The following PARVA variants were observed in gnomAD, a reference collection of about 807,000 sequenced individuals.
PARVA encodes the protein parvin alpha.
A neutral mutation model predicts 52.6 loss-of-function variants in PARVA; 25 were observed. The ratio of observed to expected loss-of-function variants is 0.48; its 90% CI spans 0.35 to 0.66. The LOEUF is 0.66. Ranked by LOEUF, PARVA falls within the 30% of genes least tolerant of loss-of-function variation. The pLI, the probability that PARVA is intolerant of heterozygous loss-of-function variation, is 0.01. For synonymous variants in PARVA, 185 were observed against 179.1 expected, an observed-to-expected ratio of 1.03 and a Z score of -0.26; for missense variants, 373 against 450.9, an observed-to-expected ratio of 0.83 and a Z score of 1.56.
At chr11:12,509,277 T>G (rs1287052024) in intron 7 of PARVA, among the ~76,000 whole-genome samples, 1 of 152,084 alleles carries the variant, frequency 6.6e-6, no homozygotes, top group East Asian at 1.9e-4. Flanking sequence ...CCCAGACTTT[T>G]CTCTGAGTCC....
At chr11:12,518,130 A>C (rs545463652) in intron 11 of PARVA, among the ~76,000 whole-genome samples, 79 of 152,324 alleles carry the variant, frequency 5.2e-4, no homozygotes, top group African/African-American at 1.8e-3. Context: ...TGCCTGTTGA[A>C]CATGTCCTGC....
Position 12,382,601 on chromosome 11 carries a change from A to G in PARVA, c.136+4818A>G, listed in dbSNP as rs529673037. Among the ~76,000 whole-genome samples the G allele has an allele frequency of 3.3e-5, 5 of 152,290 alleles. No homozygotes were observed. In the East Asian group the frequency reaches 9.6e-4, roughly 29 times the overall value. On this transcript the variant is annotated intron_variant, in intron 1 of 12. Transcript: ENST00000334956. ...CTAAGGAAAACTACATCATAGAATG[A>G]CTATGAGTCTCATAAGAATGCACTC...
intron 1 of PARVA, among the ~76,000 whole-genome samples, chr11:12,382,263 G>A (rs1939501206): frequency 6.6e-6 from 1 of 151,994 alleles, no homozygotes; most frequent in Admixed American, 6.6e-5. Flanking sequence ...TGTACATTTT[G>A]ACATTTCGAT....
intron 12 of PARVA, among the ~76,000 whole-genome samples, chr11:12,524,359 G>A (rs189889929): frequency 1.2e-3 from 179 of 152,320 alleles, no homozygotes; most frequent in African/African-American, 4.2e-3. Context: ...TCAAACTTCT[G>A]TGAACATAAA....
intron 1 of PARVA, among the ~76,000 whole-genome samples, chr11:12,464,209 A>G (rs567549228): frequency 1.3e-5 from 2 of 151,998 alleles, no homozygotes; most frequent in South Asian, 2.1e-4. Context: ...TGTGTGCACT[A>G]ATTTATAGAA....
rs114208538 is a variant in PARVA at position 12,474,591 on chromosome 11, C to T, written c.297+608C>T. 7.4e-3 allele frequency among the ~76,000 whole-genome samples: 1,121 copies of T among 152,184 alleles called. 18 individuals carry two copies. Among genetic ancestry groups the T allele is most frequent in the African/African-American group, 0.025 (1,033 of 41,516 alleles). ...TCATGAGTGTCATCCCAGCACTCTGCGGAGGCCAAGGCGGGCGGATCACTT... is the reference window on the plus strand; with the variant it reads ...TCATGAGTGTCATCCCAGCACTCTGTGGAGGCCAAGGCGGGCGGATCACTT... On this transcript the variant is annotated intron_variant, in intron 3 of 12. Coordinates refer to ENST00000334956, the MANE Select transcript of PARVA (RefSeq NM_018222.5).
chr11:12,449,206 G>T (rs184947432), intron 1 of PARVA, among the ~76,000 whole-genome samples: 41 of 151,378 alleles, frequency 2.7e-4, no homozygotes, highest in Middle Eastern at 6.8e-3. Flanking sequence ...CAGGCTGGAG[G>T]GCAGTGGCGC....
chr11:12,424,946 G>A (rs553767023), intron 1 of PARVA, among the ~76,000 whole-genome samples: 4 of 152,248 alleles, frequency 2.6e-5, no homozygotes, highest in South Asian at 2.1e-4. Flanking sequence ...CCTTTTCTGT[G>A]TGTAGGATAT....
intron 4 of PARVA, among the ~76,000 whole-genome samples, chr11:12,490,679 A>G (rs1941224725): frequency 1.3e-5 from 2 of 152,196 alleles, no homozygotes; most frequent in South Asian, 4.1e-4. Context: ...GTGAACAAAG[A>G]TTATCATGGT....
At chr11:12,451,102 G>C (rs955956991) in intron 1 of PARVA, among the ~76,000 whole-genome samples, 2 of 152,208 alleles carry the variant, frequency 1.3e-5, no homozygotes, top group East Asian at 3.8e-4. Flanking sequence ...CTGTGGCTTG[G>C]TCAGTGTGCT....
At chr11:12,500,995 C>T (rs1371139664) in intron 5 of PARVA, among the ~76,000 whole-genome samples, 5 of 151,718 alleles carry the variant, frequency 3.3e-5, no homozygotes, top group Admixed American at 2.6e-4. Flanking sequence ...ATAATCCCAG[C>T]TACTTGGGAG....
chr11:12,425,212 TTGTC>T (rs1339997729), intron 1 of PARVA, among the ~76,000 whole-genome samples: 2 of 152,182 alleles, frequency 1.3e-5, no homozygotes, highest in Non-Finnish European at 1.5e-5. Context: ...TCTCTGTCAT[TTGTC>T]TGTGTTTTAA....
intron 1 of PARVA, among the ~76,000 whole-genome samples, chr11:12,405,074 A>T (rs1589944919): frequency 6.6e-6 from 1 of 152,304 alleles, no homozygotes; most frequent in African/African-American, 2.4e-5. Flanking sequence ...AAAACAGATA[A>T]TAAAAGTCTC....
At chr11:12,490,639 G>A (rs769788030) in intron 4 of PARVA, among the ~76,000 whole-genome samples, 3 of 151,988 alleles carry the variant, frequency 2.0e-5, no homozygotes, top group Non-Finnish European at 2.9e-5. Context: ...GAAGGAAAAT[G>A]AACCCCCCAA....
At chr11:12,493,419 A>C (rs370133596) in intron 4 of PARVA, among the ~76,000 whole-genome samples, 2 of 151,516 alleles carry the variant, frequency 1.3e-5, no homozygotes, top group East Asian at 3.9e-4. Flanking sequence ...ATATATTTTT[A>C]TGCAAATCCA....
chr11:12,459,426 G>A lies in PARVA; in HGVS notation c.137-14319G>A, dbSNP rs1003703682. On this transcript the variant is annotated intron_variant, in intron 1 of 12. Coordinates refer to ENST00000334956, the MANE Select transcript of PARVA (RefSeq NM_018222.5). ...TCTCAAAAAAAAAAGAAAAAGAGAA[G>A]AAAGAAAAAAGAAGAAGAAAGAAAA... 2.3e-4 allele frequency among the ~76,000 whole-genome samples: 35 copies of A among 151,656 alleles called. 1 individual carries two copies. The highest frequency in any genetic ancestry group is 2.2e-3 in the Admixed American group (34 of 15,210).
chr11:12,467,731 A>G (rs1940872411), intron 1 of PARVA, among the ~76,000 whole-genome samples: 2 of 152,224 alleles, frequency 1.3e-5, no homozygotes. Context: ...AGCAGCCTAA[A>G]CATCTCACTG....
chr11:12,392,911 T>C (rs1033451094), intron 1 of PARVA, among the ~76,000 whole-genome samples: 1 of 151,864 alleles, frequency 6.6e-6, no homozygotes, highest in African/African-American at 2.4e-5. Flanking sequence ...TTGTATTAGG[T>C]GTTTCATCTT....
chr11:12,500,636 C>CA (rs985499221), intron 5 of PARVA, among the ~76,000 whole-genome samples: 173 of 145,528 alleles, frequency 1.2e-3, no homozygotes, highest in African/African-American at 4.2e-3. Flanking sequence ...CTAAAAAATA[C>CA]AAAAATTAGC....
Sources: allele counts gnomAD v4.1 joint callset (sites outside exome capture counted in the v4.1 genomes callset), GRCh38; gene constraint gnomAD v4.1.1; transcripts MANE v1.5; gene names NCBI Gene and HGNC (gene_info 2026-07-23, HGNC 2026-07-21).